The following MCPH1 variants were observed in gnomAD, a reference collection of about 807,000 sequenced individuals.
MCPH1 encodes microcephalin 1.
MCPH1 carries 104 observed loss-of-function variants against 84.5 expected under a neutral mutation model. That is an observed-to-expected ratio of 1.23 (90% CI 1.05 to 1.45). MCPH1 has a LOEUF of 1.45. Among genes scored for constraint, MCPH1 ranks in the 40% most tolerant of loss-of-function variants. MCPH1 has a pLI of 0.00. For synonymous variants in MCPH1, 514 were observed against 366.8 expected (o/e 1.40, Z -4.58); for missense variants, 1,498 against 1,005.7 (o/e 1.49, Z -6.62).
chr8:6,582,513 C>G (rs1827638834), intron 12 of MCPH1, among the ~76,000 whole-genome samples: 1 of 152,206 alleles, frequency 6.6e-6, no homozygotes, highest in Non-Finnish European at 1.5e-5. Context: ...AGCACACGTT[C>G]TCTTCATTGA....
chr8:6,591,179 G>T (rs1202632090), intron 12 of MCPH1, among the ~76,000 whole-genome samples: 1 of 152,246 alleles, frequency 6.6e-6, no homozygotes, highest in African/African-American at 2.4e-5. Context: ...TTACAGGCGT[G>T]AGCCACCACG....
chr8:6,607,662 C>A (rs980891730), intron 12 of MCPH1, among the ~76,000 whole-genome samples: 1 of 152,152 alleles, frequency 6.6e-6, no homozygotes, highest in Non-Finnish European at 1.5e-5. Context: ...AGTTTCCCCC[C>A]ATACAGTTCT....
intron 13 of MCPH1, among the ~76,000 whole-genome samples, chr8:6,641,875 A>T (rs575603917): frequency 1.3e-5 from 2 of 152,340 alleles, no homozygotes; most frequent in South Asian, 4.1e-4. Flanking sequence ...TTTCTTATAT[A>T]TATAAGCTAT....
intron 12 of MCPH1, among the ~76,000 whole-genome samples, chr8:6,544,606 T>G (rs1822207330): frequency 1.3e-5 from 2 of 152,146 alleles, no homozygotes; most frequent in African/African-American, 2.4e-5. Flanking sequence ...GAGGGTTGAG[T>G]AAGAACCGAC....
chr8:6,505,587 T>A (rs11786977), intron 12 of MCPH1, among the ~76,000 whole-genome samples: 40,290 of 99,136 alleles, frequency 0.41, 10,722 homozygotes, highest in Middle Eastern at 0.55. Context: ...TATATTCTTT[T>A]TGTATATATG....
At chr8:6,632,057 C>T (rs1481359881) in intron 13 of MCPH1, among the ~76,000 whole-genome samples, 2 of 152,148 alleles carry the variant, frequency 1.3e-5, no homozygotes, top group African/African-American at 2.4e-5. Context: ...TTGAAAACAT[C>T]ATGTTAAGTG....
intron 9 of MCPH1, chr8:6,473,817 A>C: frequency 8.0e-7 from 1 of 1,250,252 alleles, no homozygotes; most frequent in Non-Finnish European, 1.1e-6. Flanking sequence ...AGCAAGAGTG[A>C]TTGTAAAGTA....
chr8:6,421,467 C>G (rs1800182062), intron 3 of MCPH1, among the ~76,000 whole-genome samples: 1 of 151,786 alleles, frequency 6.6e-6, no homozygotes, highest in Non-Finnish European at 1.5e-5. Context: ...GAATGGCCAA[C>G]TATCATCCCC....
Position 6,622,801 on chromosome 8 carries a change from C to A in MCPH1, c.2452+1110C>A, listed in dbSNP as rs958098566. Among the ~76,000 whole-genome samples, 4 of 152,108 alleles carry A rather than the reference C, an allele frequency of 2.6e-5. No individual in the cohort carries two copies. In the South Asian group the frequency reaches 8.3e-4, roughly 31 times the overall value. On this transcript the variant is annotated intron_variant, in intron 13 of 13. Coordinates refer to ENST00000344683, the MANE Select transcript of MCPH1 (RefSeq NM_024596.5). Reference sequence around the variant, plus strand: ...TGTTCTCTTCTCTAAGGATACCAGTCAGATTGGATTAGGGCTCACCCAATG... The same window carrying A: ...TGTTCTCTTCTCTAAGGATACCAGTAAGATTGGATTAGGGCTCACCCAATG...
intron 11 of MCPH1, among the ~76,000 whole-genome samples, chr8:6,498,847 G>A (rs1036817094): frequency 2.6e-5 from 4 of 152,068 alleles, no homozygotes; most frequent in East Asian, 1.9e-4. Context: ...CCAGAAGTTC[G>A]AGACCAGCCT....
intron 9 of MCPH1, among the ~76,000 whole-genome samples, chr8:6,472,906 A>C (rs1275230174): frequency 6.6e-6 from 1 of 152,246 alleles, no homozygotes; most frequent in African/African-American, 2.4e-5. Flanking sequence ...CTACCTATTT[A>C]ATCAAAGTGA....
chr8:6,623,355 T>C (rs1050184586), intron 13 of MCPH1, among the ~76,000 whole-genome samples: 3 of 148,808 alleles, frequency 2.0e-5, no homozygotes, highest in Middle Eastern at 3.4e-3. Flanking sequence ...TCTCTCTCAA[T>C]CTCTCTCTCT....
At chr8:6,609,297 G>C (rs1018159131) in intron 12 of MCPH1, among the ~76,000 whole-genome samples, 8 of 152,300 alleles carry the variant, frequency 5.3e-5, no homozygotes, top group Admixed American at 3.9e-4. Flanking sequence ...GAGCATGAGC[G>C]TGTGCCCACT....
intron 9 of MCPH1, among the ~76,000 whole-genome samples, chr8:6,471,125 A>G: frequency 6.6e-6 from 1 of 152,140 alleles, no homozygotes; most frequent in East Asian, 1.9e-4. Context: ...TGGACCTACC[A>G]CCAAGTGACC....
At chr8:6,583,165 T>C (rs555484960) in intron 12 of MCPH1, among the ~76,000 whole-genome samples, 77 of 151,072 alleles carry the variant, frequency 5.1e-4, no homozygotes, top group Admixed American at 8.6e-4. Flanking sequence ...ATTTTCTTTG[T>C]TTTTTTTTCA....
intron 5 of MCPH1, among the ~76,000 whole-genome samples, chr8:6,437,614 A>T (rs902857560): frequency 4.6e-5 from 7 of 152,168 alleles, no homozygotes; most frequent in African/African-American, 1.7e-4. Flanking sequence ...AATTTTCCAG[A>T]AACATGGCCT....
At chr8:6,436,701 G>A (rs1034482217) in intron 5 of MCPH1, among the ~76,000 whole-genome samples, 3 of 151,598 alleles carry the variant, frequency 2.0e-5, no homozygotes, top group Non-Finnish European at 4.4e-5. Context: ...TGGGCACAGT[G>A]GCTCACGCCT....
chr8:6,482,304 T>G (rs902526127), intron 11 of MCPH1, among the ~76,000 whole-genome samples: 5 of 152,194 alleles, frequency 3.3e-5, no homozygotes, highest in Admixed American at 2.6e-4. Flanking sequence ...AAATGACTCT[T>G]TGACCTGTGA....
chr8:6,609,623 A>G (rs1198280624), intron 12 of MCPH1, among the ~76,000 whole-genome samples: 2 of 152,176 alleles, frequency 1.3e-5, no homozygotes, highest in East Asian at 1.9e-4. Context: ...TCCCATTTGC[A>G]TGTGGCTTTT....
Sources: allele counts gnomAD v4.1 joint callset (sites outside exome capture counted in the v4.1 genomes callset), GRCh38; gene constraint gnomAD v4.1.1; transcripts MANE v1.5; gene names NCBI Gene and HGNC (gene_info 2026-07-23, HGNC 2026-07-21).